Variants in CCDC178 observed in about 807,000 individuals in gnomAD.
CCDC178 encodes coiled-coil domain containing 178.
Under a neutral mutation model 117.4 loss-of-function variants are expected in CCDC178, and 126 were observed. That is an observed-to-expected ratio of 1.07 (90% CI 0.93 to 1.24). CCDC178 has a LOEUF of 1.24. CCDC178 is among the 50% of genes most tolerant of loss of function. The pLI is 0.00. For missense variants in CCDC178, 1,030 were observed against 986.9 expected, an observed-to-expected ratio of 1.04 and a Z score of -0.59; for synonymous variants, 283 against 313.4, an observed-to-expected ratio of 0.90 and a Z score of 1.02.
chr18:32,992,995 G>A (rs759987615), intron 21 of CCDC178, among the ~76,000 whole-genome samples: 4 of 151,956 alleles, frequency 2.6e-5, no homozygotes, highest in Non-Finnish European at 5.9e-5. Flanking sequence ...GTGAAGCCCC[G>A]TCTCTGCTAA....
intron 9 of CCDC178, among the ~76,000 whole-genome samples, chr18:33,337,039 G>A (rs1270122066): frequency 6.6e-6 from 1 of 151,746 alleles, no homozygotes; most frequent in Non-Finnish European, 1.5e-5. Flanking sequence ...AGCATGGGAG[G>A]TGTTTCCATT....
chr18:33,218,628 A>G (rs914326701), intron 18 of CCDC178, among the ~76,000 whole-genome samples: 1 of 152,078 alleles, frequency 6.6e-6, no homozygotes, highest in Non-Finnish European at 1.5e-5. Context: ...TAATTTTTGT[A>G]TAAGGTATAA....
At chr18:33,239,391 A>T (rs192362498) in intron 15 of CCDC178, among the ~76,000 whole-genome samples, 1 of 151,960 alleles carries the variant, frequency 6.6e-6, no homozygotes, top group African/African-American at 2.4e-5. Flanking sequence ...TAAATTCCTC[A>T]TTTAAAAGAT....
chr18:33,407,286 A>T (rs190871485), intron 3 of CCDC178, among the ~76,000 whole-genome samples: 1 of 152,246 alleles, frequency 6.6e-6, no homozygotes, highest in Non-Finnish European at 1.5e-5. Context: ...TATTATCTCT[A>T]TGTTATTTCA....
intron 3 of CCDC178, among the ~76,000 whole-genome samples, chr18:33,397,925 TAAAA>T (rs997657359): frequency 6.6e-6 from 1 of 151,930 alleles, no homozygotes; most frequent in African/African-American, 2.4e-5. Flanking sequence ...TACTAGAACA[TAAAA>T]AAAGTTTAAA....
chr18:33,186,434 C>T (rs2058795817), intron 20 of CCDC178, among the ~76,000 whole-genome samples: 1 of 152,004 alleles, frequency 6.6e-6, no homozygotes, highest in Non-Finnish European at 1.5e-5. Context: ...GTGTTAACAA[C>T]CTGAGAAAGT....
rs139991758 is a variant in CCDC178, at chr18:33,365,851, T to G, written c.348+4199A>C. ...GAGGAAAAAAATAAAACAAGAGTCT[T>G]TTATTTGTATGAGAAGATATTCAGA... On this transcript the variant is annotated intron_variant, in intron 6 of 22. Coordinates refer to ENST00000383096, the MANE Select transcript of CCDC178 (RefSeq NM_001105528.4). 6.7e-3 allele frequency among the ~76,000 whole-genome samples: 1,024 copies of G among 152,168 alleles called. 7 individuals are homozygous for G. The highest frequency in any genetic ancestry group is 0.041 in the Middle Eastern group (12 of 294).
chr18:32,951,193 C>T (rs531253725), intron 22 of CCDC178, among the ~76,000 whole-genome samples: 1 of 152,214 alleles, frequency 6.6e-6, no homozygotes, highest in African/African-American at 2.4e-5. Flanking sequence ...GTATGTAATC[C>T]TACTGAAATA....
chr18:33,033,656 G>A (rs989640316), intron 21 of CCDC178, among the ~76,000 whole-genome samples: 1 of 151,974 alleles, frequency 6.6e-6, no homozygotes, highest in Non-Finnish European at 1.5e-5. Flanking sequence ...CAGTCAACCC[G>A]ACTTTCGCTA....
chr18:33,399,580 G>A lies in CCDC178; in HGVS notation c.59-2372C>T, dbSNP rs192712965. ...TCACCAGGAATAGAGTTCATCTCAGGAAACCACTTTCTTTGCTCATTCCCA... is the reference window on the plus strand; with the variant it reads ...TCACCAGGAATAGAGTTCATCTCAGAAAACCACTTTCTTTGCTCATTCCCA... On this transcript the variant is annotated intron_variant, in intron 3 of 22. Transcript: ENST00000383096. Among the ~76,000 whole-genome samples the A allele has an allele frequency of 4.4e-3, 664 of 152,272 alleles. 4 individuals are homozygous for A. Among genetic ancestry groups the A allele is most frequent in the Middle Eastern group, 6.8e-3 (2 of 294 alleles).
intron 22 of CCDC178, among the ~76,000 whole-genome samples, chr18:32,950,984 A>G (rs887599757): frequency 6.6e-6 from 1 of 152,168 alleles, no homozygotes; most frequent in Non-Finnish European, 1.5e-5. Context: ...TTCTTAGTAC[A>G]AGACTCATAA....
At chr18:33,413,896 G>A (rs990567651) in intron 2 of CCDC178, among the ~76,000 whole-genome samples, 1 of 152,168 alleles carries the variant, frequency 6.6e-6, no homozygotes, top group Non-Finnish European at 1.5e-5. Context: ...TAAAATCTAT[G>A]AGAAGACTGC....
intron 21 of CCDC178, among the ~76,000 whole-genome samples, chr18:33,036,829 C>G (rs2144879832): frequency 6.6e-6 from 1 of 151,908 alleles, no homozygotes; most frequent in African/African-American, 2.4e-5. Flanking sequence ...CACGGGGAGA[C>G]AGAATAGGAA....
intron 21 of CCDC178, among the ~76,000 whole-genome samples, chr18:33,035,016 G>A (rs545690216): frequency 9.1e-4 from 139 of 152,068 alleles, no homozygotes; most frequent in Middle Eastern, 6.8e-3. Context: ...AAAAGGCAGT[G>A]TGGAACATGA....
At chr18:33,236,162 T>C (rs1286344452) in intron 15 of CCDC178, among the ~76,000 whole-genome samples, 5 of 152,206 alleles carry the variant, frequency 3.3e-5, no homozygotes, top group Non-Finnish European at 7.3e-5. Context: ...GATATTCCTA[T>C]AATTAATTTC....
chr18:33,222,744 T>C (rs1193458478), intron 18 of CCDC178, among the ~76,000 whole-genome samples: 1 of 152,162 alleles, frequency 6.6e-6, no homozygotes, highest in African/African-American at 2.4e-5. Context: ...CTTTCCTTTT[T>C]ATTTCTTTTC....
At chr18:33,101,341 AC>A (rs1253682695) in intron 20 of CCDC178, among the ~76,000 whole-genome samples, 2 of 151,718 alleles carry the variant, frequency 1.3e-5, no homozygotes, top group Admixed American at 6.6e-5. Flanking sequence ...AGGCTGAACA[AC>A]CATTTCCTCT....
At chr18:32,980,907 T>G (rs1598751259) in intron 21 of CCDC178, among the ~76,000 whole-genome samples, 1 of 152,242 alleles carries the variant, frequency 6.6e-6, no homozygotes, top group South Asian at 2.1e-4. Flanking sequence ...AATGAAGTTG[T>G]ACTTTCCCTT....
intron 20 of CCDC178, among the ~76,000 whole-genome samples, chr18:33,095,281 A>G (rs1471270728): frequency 6.6e-6 from 1 of 152,002 alleles, no homozygotes; most frequent in Non-Finnish European, 1.5e-5. Context: ...AAACATTAGG[A>G]AGATAGCTTG....
Sources: gnomAD v4.1 joint callset for allele counts (sites outside exome capture counted in the v4.1 genomes callset) on GRCh38, gnomAD v4.1.1 for gene constraint, MANE v1.5 for transcripts, NCBI Gene and HGNC (gene_info 2026-07-23, HGNC 2026-07-21) for gene names.